The following CACNB2 variants were observed in gnomAD, a reference collection of about 807,000 sequenced individuals.
CACNB2 encodes the protein calcium voltage-gated channel auxiliary subunit beta 2.
CACNB2 carries 42 observed loss-of-function variants against 73.3 expected under a neutral mutation model. The ratio of observed to expected loss-of-function variants is 0.57; its 90% confidence interval spans 0.45 to 0.74. The LOEUF (loss-of-function observed/expected upper bound fraction) is 0.74. Among genes scored for constraint, CACNB2 ranks in the 30% least tolerant of loss-of-function variants. The pLI is 0.00. For missense variants in CACNB2, 940 were observed against 853.0 expected (o/e 1.10, Z -1.27); for synonymous variants, 348 against 310.3 (o/e 1.12, Z -1.28).
chr10:18,229,218 A>C (rs2036132777), intron 2 of CACNB2, among the ~76,000 whole-genome samples: 2 of 152,244 alleles, frequency 1.3e-5, no homozygotes, highest in South Asian at 4.1e-4. Context: ...TTAATTAAGG[A>C]AAGGAGATCA....
chr10:18,493,255 G>A (rs745659567), intron 3 of CACNB2, among the ~76,000 whole-genome samples: 15 of 152,120 alleles, frequency 9.9e-5, no homozygotes, highest in African/African-American at 2.4e-4. Flanking sequence ...TGCAGCCTCC[G>A]CCTCCTAGGT....
chr10:18,211,782 T>C (rs1484199550), intron 2 of CACNB2, among the ~76,000 whole-genome samples: 1 of 152,210 alleles, frequency 6.6e-6, no homozygotes, highest in African/African-American at 2.4e-5. Flanking sequence ...TTCATTTTCA[T>C]GCAGTAGAGT....
intron 2 of CACNB2, among the ~76,000 whole-genome samples, chr10:18,322,434 T>C (rs1455448470): frequency 2.6e-5 from 4 of 152,208 alleles, no homozygotes; most frequent in Non-Finnish European, 5.9e-5. Context: ...ACACAATCAG[T>C]AATTTGTTTT....
At position 18,153,563 on chromosome 10, in the gene CACNB2, C is replaced by CTTACTTATTTAT. The variant is rs138892750; in HGVS notation, c.213+2591_213+2592insCTTATTTATTTA. 2.8e-5 allele frequency among the ~76,000 whole-genome samples: 4 copies of CTTACTTATTTAT among 142,744 alleles called. No individual in the cohort carries two copies. The East Asian group carries it at 6.2e-4, about 22-fold the overall frequency. 93.6% of individuals were successfully genotyped at this position (142,744 alleles called of 152,430 possible). Reference sequence around the variant, plus strand: ...GTGACAATGGGCACACTAGATTTTACTTATTTATTTATTTATTTATTTATT... The same window carrying CTTACTTATTTAT: ...GTGACAATGGGCACACTAGATTTTACTTACTTATTTATTTATTTATTTATTTATTTATTTATT... On this transcript the variant is annotated intron_variant, in intron 2 of 13. Coordinates refer to ENST00000324631, the MANE Select transcript of CACNB2 (RefSeq NM_201596.3).
chr10:18,212,553 C>G (rs1279738333), intron 2 of CACNB2, among the ~76,000 whole-genome samples: 1 of 152,042 alleles, frequency 6.6e-6, no homozygotes, highest in African/African-American at 2.4e-5. Context: ...TTCCATTTCT[C>G]ATCTTGTAAG....
chr10:18,209,451 T>C (rs1372799319), intron 2 of CACNB2, among the ~76,000 whole-genome samples: 1 of 152,194 alleles, frequency 6.6e-6, no homozygotes, highest in Non-Finnish European at 1.5e-5. Flanking sequence ...TTTCCAGATG[T>C]TTCCAGCTTG....
intron 2 of CACNB2, among the ~76,000 whole-genome samples, chr10:18,318,025 A>G (rs1298497515): frequency 6.6e-6 from 1 of 152,230 alleles, no homozygotes; most frequent in African/African-American, 2.4e-5. Flanking sequence ...GGAAGATTCA[A>G]TATCGTGAAA....
At chr10:18,465,111 C>T (rs2047805557) in intron 3 of CACNB2, among the ~76,000 whole-genome samples, 1 of 152,160 alleles carries the variant, frequency 6.6e-6, no homozygotes, top group Admixed American at 6.5e-5. Context: ...AGGCAGATTA[C>T]CTGAGGTCAG....
chr10:18,362,588 G>T (rs924663039), intron 2 of CACNB2, among the ~76,000 whole-genome samples: 1 of 152,164 alleles, frequency 6.6e-6, no homozygotes, highest in Non-Finnish European at 1.5e-5. Context: ...TGCGAAGTGG[G>T]TGATCAATTT....
intron 3 of CACNB2, among the ~76,000 whole-genome samples, chr10:18,487,039 G>C (rs1035949558): frequency 6.6e-5 from 10 of 152,198 alleles, no homozygotes; most frequent in Non-Finnish European, 1.3e-4. Flanking sequence ...TCATAGTTGA[G>C]CTTGAGAAGG....
intron 2 of CACNB2, among the ~76,000 whole-genome samples, chr10:18,161,147 A>G (rs189943949): frequency 6.6e-6 from 1 of 152,328 alleles, no homozygotes; most frequent in East Asian, 1.9e-4. Context: ...AGAGTCTTCC[A>G]TTAATTCATA....
At chr10:18,221,993 A>G (rs772687287) in intron 2 of CACNB2, among the ~76,000 whole-genome samples, 4 of 152,232 alleles carry the variant, frequency 2.6e-5, no homozygotes, top group Admixed American at 6.5e-5. Flanking sequence ...GGATTTCACC[A>G]TTATGCAGTC....
At chr10:18,343,134 G>T (rs533154786) in intron 2 of CACNB2, among the ~76,000 whole-genome samples, 1 of 152,148 alleles carries the variant, frequency 6.6e-6, no homozygotes, top group Non-Finnish European at 1.5e-5. Context: ...AGTCTAACTA[G>T]TTTTAAGTGC....
chr10:18,140,695 C>T lies in CACNB2; in HGVS notation c.-42C>T, dbSNP rs138094231. ...CGGGGGCGAGGAGGAGGGGACCCGC[C>T]GCCGGGGGCTGGCTGCTTCGCTCCG... On this transcript the variant is annotated 5_prime_UTR_variant, in exon 1 of 14. Coordinates refer to ENST00000324631, the MANE Select transcript of CACNB2 (RefSeq NM_201596.3). 57 of 1,559,352 alleles carry T rather than the reference C, an allele frequency of 3.7e-5. No individual in the cohort carries two copies. The highest frequency in any genetic ancestry group is 7.0e-5 in the South Asian group (6 of 85,880).
chr10:18,159,760 G>A (rs765043681), intron 2 of CACNB2, among the ~76,000 whole-genome samples: 4 of 152,208 alleles, frequency 2.6e-5, no homozygotes, highest in East Asian at 1.9e-4. Flanking sequence ...CCAGGCCTGC[G>A]TAGACTGATA....
chr10:18,513,801 A>G (rs1238735072), intron 6 of CACNB2: 2 of 252,250 alleles, frequency 7.9e-6, no homozygotes, highest in African/African-American at 4.5e-5. Flanking sequence ...CAACAGTGCA[A>G]AAACCGCAAT....
chr10:18,402,832 T>G (rs749659299), intron 3 of CACNB2, among the ~76,000 whole-genome samples: 48 of 152,246 alleles, frequency 3.2e-4, no homozygotes, highest in Non-Finnish European at 6.3e-4. Flanking sequence ...ACATGGTTGT[T>G]GATTTTCCTT....
At chr10:18,469,307 C>A (rs2048058982) in intron 3 of CACNB2, among the ~76,000 whole-genome samples, 2 of 152,174 alleles carry the variant, frequency 1.3e-5, no homozygotes, top group South Asian at 4.1e-4. Context: ...AAGGTCAGCA[C>A]CATGGACATC....
chr10:18,259,974 C>T (rs922995417), intron 2 of CACNB2, among the ~76,000 whole-genome samples: 1 of 151,954 alleles, frequency 6.6e-6, no homozygotes, highest in Non-Finnish European at 1.5e-5. Context: ...TTTCCAGGAG[C>T]CTAAAGGATG....
Sources: gnomAD v4.1 joint callset for allele counts (sites outside exome capture counted in the v4.1 genomes callset) on GRCh38, gnomAD v4.1.1 for gene constraint, MANE v1.5 for transcripts, NCBI Gene and HGNC (gene_info 2026-07-23, HGNC 2026-07-21) for gene names.